MMD: variants seen among roughly 807,000 people sequenced by gnomAD.
MMD encodes monocyte to macrophage differentiation factor.
MMD carries 22 observed loss-of-function variants against 33.6 expected under a neutral mutation model. The observed-to-expected ratio is 0.66, with a 90% CI of 0.47 to 0.94. The LOEUF (loss-of-function observed/expected upper bound fraction) is 0.94. Among genes scored for constraint, MMD ranks in the 40% least tolerant of loss-of-function variants. MMD has a pLI of 0.00. For synonymous variants in MMD, 97 were observed against 103.2 expected, an observed-to-expected ratio of 0.94 and a Z score of 0.36; for missense variants, 242 against 309.8, an observed-to-expected ratio of 0.78 and a Z score of 1.64.
intron 6 of MMD, among the ~76,000 whole-genome samples, chr17:55,398,273 T>C (rs1907198318): frequency 6.6e-6 from 1 of 151,826 alleles, no homozygotes; most frequent in African/African-American, 2.4e-5. Context: ...TCACTGAACT[T>C]TGCTTCTGCA....
At chr17:55,412,422 C>T (rs976030910) in intron 2 of MMD, among the ~76,000 whole-genome samples, 2 of 152,144 alleles carry the variant, frequency 1.3e-5, no homozygotes, top group African/African-American at 4.8e-5. Flanking sequence ...GAGAGATTTG[C>T]TTTCTGCATC....
In MMD at chr17:55,401,548, CA is replaced by C; in HGVS notation, c.447-11del. 6.3e-7 allele frequency: 1 copy of C among 1,597,920 alleles called. No homozygotes were observed. Among genetic ancestry groups the C allele is most frequent in the Non-Finnish European group, 8.5e-7 (1 of 1,171,780 alleles). ...TTCAACCACCTTATATCTGCAGGAA[CA>C]AAAATGCAGTTAATTTAACTTATAA... On this transcript the variant is annotated splice_polypyrimidine_tract_variant and intron_variant, in intron 5 of 6. Coordinates refer to ENST00000262065, the MANE Select transcript of MMD (RefSeq NM_012329.3).
chr17:55,395,431 T>G (rs1261499249), intron 6 of MMD, among the ~76,000 whole-genome samples: 1 of 152,156 alleles, frequency 6.6e-6, no homozygotes, highest in South Asian at 2.1e-4. Context: ...TGGAAGGGGA[T>G]AGGTGTGTGG....
intron 4 of MMD, among the ~76,000 whole-genome samples, chr17:55,405,986 A>G (rs1445035547): frequency 1.3e-5 from 2 of 152,246 alleles, no homozygotes; most frequent in African/African-American, 4.8e-5. Context: ...ATCAAAGGCA[A>G]TGAACAGGAT....
chr17:55,410,976 A>G (rs1382286849), intron 3 of MMD, among the ~76,000 whole-genome samples: 1 of 152,214 alleles, frequency 6.6e-6, no homozygotes, highest in Admixed American at 6.5e-5. Context: ...ACTGGAAAAT[A>G]GCTCTCAGGT....
At chr17:55,398,014 T>G (rs1177602608) in intron 6 of MMD, among the ~76,000 whole-genome samples, 3 of 151,804 alleles carry the variant, frequency 2.0e-5, no homozygotes, top group Non-Finnish European at 4.4e-5. Context: ...TAGTGTAGTT[T>G]TCTTTGTGTT....
At chr17:55,413,262 AC>A (rs1318425306) in intron 2 of MMD, among the ~76,000 whole-genome samples, 1 of 152,168 alleles carries the variant, frequency 6.6e-6, no homozygotes, top group African/African-American at 2.4e-5. Context: ...AAAGAAGCAA[AC>A]TGGTCTTTTC....
chr17:55,417,292 C>T (rs566828627), intron 1 of MMD, among the ~76,000 whole-genome samples: 11 of 152,258 alleles, frequency 7.2e-5, no homozygotes, highest in Admixed American at 7.2e-4. Flanking sequence ...CCAGCCTGGC[C>T]AACATAGAGA....
At chr17:55,396,895 G>A (rs1033282244) in intron 6 of MMD, among the ~76,000 whole-genome samples, 9 of 152,062 alleles carry the variant, frequency 5.9e-5, no homozygotes, top group Non-Finnish European at 1.2e-4. Flanking sequence ...GATTACAGGC[G>A]TGAGCCACCG....
At chr17:55,396,154 C>A (rs1465274510) in intron 6 of MMD, among the ~76,000 whole-genome samples, 1 of 152,184 alleles carries the variant, frequency 6.6e-6, no homozygotes, top group Admixed American at 6.5e-5. Flanking sequence ...CCTCAACTTT[C>A]AAAGACCTAG....
chr17:55,401,030 T>C (rs1276121476), intron 6 of MMD, among the ~76,000 whole-genome samples: 6 of 152,088 alleles, frequency 3.9e-5, no homozygotes, highest in African/African-American at 1.4e-4. Context: ...ATTTGAAAAA[T>C]ACCTCTCTGA....
chr17:55,400,327 C>T (rs1014465675), intron 6 of MMD, among the ~76,000 whole-genome samples: 4 of 152,126 alleles, frequency 2.6e-5, no homozygotes, highest in African/African-American at 7.2e-5. Flanking sequence ...GCAGGTGGAT[C>T]ACCTGAGCTC....
intron 3 of MMD, 61 bp from the exon 4 acceptor site, chr17:55,407,881 A>T: frequency 8.4e-7 from 1 of 1,193,220 alleles, no homozygotes; most frequent in South Asian, 1.5e-5. Context: ...AGTACGGGTT[A>T]TCACTCCACT....
chr17:55,413,715 A>G (rs1481708164), intron 2 of MMD, among the ~76,000 whole-genome samples: 1 of 152,198 alleles, frequency 6.6e-6, no homozygotes, highest in Non-Finnish European at 1.5e-5. Context: ...GTGGGAGGCT[A>G]TGGCTCCCCT....
At chr17:55,400,981 G>A (rs1185234892) in intron 6 of MMD, among the ~76,000 whole-genome samples, 2 of 151,984 alleles carry the variant, frequency 1.3e-5, no homozygotes, top group East Asian at 1.9e-4. Context: ...CTTGACTTAC[G>A]ACTTAAAAGC....
chr17:55,394,663 AT>A (rs1405454905), intron 6 of MMD, 129 bp from the exon 7 acceptor site: 13 of 763,400 alleles, frequency 1.7e-5, no homozygotes, highest in Non-Finnish European at 2.0e-5. Flanking sequence ...CACAATCCTG[AT>A]CTGTAAACAT....
chr17:55,401,647 A>G, intron 5 of MMD, 109 bp from the exon 6 acceptor site: 1 of 853,366 alleles, frequency 1.2e-6, no homozygotes, highest in East Asian at 2.8e-5. Context: ...TAAACTCTTA[A>G]CTATTCAAAT....
intron 1 of MMD, among the ~76,000 whole-genome samples, chr17:55,415,060 A>C (rs1033618891): frequency 6.6e-6 from 1 of 152,194 alleles, no homozygotes; most frequent in African/African-American, 2.4e-5. Flanking sequence ...TACAGAGAAA[A>C]GCATGAATAC....
chr17:55,407,888 C>T, intron 3 of MMD, 68 bp from the exon 4 acceptor site: 1 of 1,075,072 alleles, frequency 9.3e-7, no homozygotes, highest in South Asian at 1.7e-5. Flanking sequence ...GTTATCACTC[C>T]ACTATGTTGC....
Sources: gnomAD v4.1 joint callset for allele counts (sites outside exome capture counted in the v4.1 genomes callset) on GRCh38, gnomAD v4.1.1 for gene constraint, MANE v1.5 for transcripts, NCBI Gene and HGNC (gene_info 2026-07-23, HGNC 2026-07-21) for gene names.